The following OPCML variants were observed in gnomAD, a reference collection of about 807,000 sequenced individuals.
OPCML encodes the protein opioid binding protein/cell adhesion molecule like, also known as opioid-binding protein/cell adhesion molecule.
Under a neutral mutation model 37.8 loss-of-function variants are expected in OPCML, and 13 were observed. The observed-to-expected ratio is 0.34, with a 90% CI of 0.22 to 0.55. The LOEUF is 0.55. Ranked by LOEUF, OPCML falls within the 20% of genes least tolerant of loss-of-function variation. OPCML has a pLI of 0.91. For missense variants in OPCML, 341 were observed against 435.6 expected (o/e 0.78, Z 1.93); for synonymous variants, 176 against 168.8 (o/e 1.04, Z -0.33).
chr11:133,374,146 C>T (rs981681312), intron 1 of OPCML, among the ~76,000 whole-genome samples: 1 of 151,850 alleles, frequency 6.6e-6, no homozygotes, highest in Admixed American at 6.6e-5. Context: ...ATGGAGGTAA[C>T]GTTCATATAG....
chr11:133,234,285 C>T (rs940622807), intron 1 of OPCML, among the ~76,000 whole-genome samples: 8 of 152,002 alleles, frequency 5.3e-5, no homozygotes, highest in African/African-American at 1.7e-4. Context: ...ACAGTTTTTA[C>T]TTCTTTCCAT....
At chr11:132,973,441 T>C (rs145637811) in intron 1 of OPCML, among the ~76,000 whole-genome samples, 18 of 152,342 alleles carry the variant, frequency 1.2e-4, no homozygotes, top group Non-Finnish European at 2.5e-4. Context: ...TTCAAAAGGT[T>C]TCTACTTTCT....
intron 3 of OPCML, among the ~76,000 whole-genome samples, chr11:132,628,603 C>G (rs566488502): frequency 9.9e-5 from 15 of 152,282 alleles, no homozygotes; most frequent in African/African-American, 3.1e-4. Context: ...CTCTCCCACT[C>G]TGGGCCACTA....
intron 2 of OPCML, among the ~76,000 whole-genome samples, chr11:132,790,672 A>G (rs1411588816): frequency 6.6e-6 from 1 of 152,068 alleles, no homozygotes; most frequent in African/African-American, 2.4e-5. Flanking sequence ...ACTTGCAGGA[A>G]CCCCGGAGGA....
rs761628431 is a variant in OPCML at position 133,205,455 on chromosome 11, G to A, written c.62-262445C>T. 1.3e-5 allele frequency among the ~76,000 whole-genome samples: 2 copies of A among 152,180 alleles called. No homozygotes were observed. Among genetic ancestry groups the A allele is most frequent in the Non-Finnish European group, 2.9e-5 (2 of 68,046 alleles). On this transcript the variant is annotated intron_variant, in intron 1 of 7. Coordinates refer to ENST00000524381, the MANE Select transcript of OPCML (RefSeq NM_001012393.5). The surrounding 1 kb of genome is among the most constrained non-coding windows in gnomAD (Gnocchi z 4.8). ...ACCTGAAGAGGTGGGGGCTGGGAAC[G>A]CTGATCAGCAGCACTGGTCCCAACC...
At chr11:132,925,496 T>C (rs111246738) in intron 2 of OPCML, among the ~76,000 whole-genome samples, 170 of 152,364 alleles carry the variant, frequency 1.1e-3, no homozygotes, top group African/African-American at 3.9e-3. Flanking sequence ...CCTACGCCTT[T>C]TCACCCTGAG....
intron 2 of OPCML, among the ~76,000 whole-genome samples, chr11:132,830,926 C>T (rs1170820978): frequency 6.6e-6 from 1 of 152,140 alleles, no homozygotes; most frequent in Non-Finnish European, 1.5e-5. Context: ...AGAAGCAGAA[C>T]TAAATTCAAT....
chr11:132,454,802 G>T (rs1173994575), intron 4 of OPCML, among the ~76,000 whole-genome samples: 1 of 152,140 alleles, frequency 6.6e-6, no homozygotes, highest in Non-Finnish European at 1.5e-5. Flanking sequence ...TAACTGCAGG[G>T]ACATATAATA....
At chr11:132,541,580 T>C (rs2096356769) in intron 3 of OPCML, among the ~76,000 whole-genome samples, 1 of 152,002 alleles carries the variant, frequency 6.6e-6, no homozygotes, top group African/African-American at 2.4e-5. Context: ...CAAGTGACAC[T>C]GTGCAAAGTT....
intron 2 of OPCML, among the ~76,000 whole-genome samples, chr11:132,725,126 C>T (rs1002396952): frequency 6.6e-6 from 1 of 152,218 alleles, no homozygotes; most frequent in Non-Finnish European, 1.5e-5. Flanking sequence ...TCCAACTCCA[C>T]ATTTCTTTTC....
chr11:132,834,988 TAAA>T (rs11300115), intron 2 of OPCML, among the ~76,000 whole-genome samples: 9,864 of 142,932 alleles, frequency 0.069, 373 homozygotes, highest in Non-Finnish European at 0.078. Context: ...TGGCACTTTG[TAAA>T]AAAAAAAAAA....
chr11:132,717,689 TAGAA>T (rs368221425), intron 2 of OPCML, among the ~76,000 whole-genome samples: 1 of 151,972 alleles, frequency 6.6e-6, no homozygotes, highest in African/African-American at 2.4e-5. Context: ...ACTCAGAAAA[TAGAA>T]AGAAAGGAAG....
chr11:132,671,162 G>T (rs1173971193), intron 2 of OPCML, among the ~76,000 whole-genome samples: 1 of 152,176 alleles, frequency 6.6e-6, no homozygotes, highest in Admixed American at 6.5e-5. Flanking sequence ...GCGGAGAAGG[G>T]ATGGGAGGTG....
At chr11:132,742,611 T>C (rs1945467672) in intron 2 of OPCML, among the ~76,000 whole-genome samples, 1 of 151,974 alleles carries the variant, frequency 6.6e-6, no homozygotes, top group Non-Finnish European at 1.5e-5. Flanking sequence ...CTGGTATTTT[T>C]GGTATAGCGC....
chr11:133,109,765 CATT>C (rs1392258612), intron 1 of OPCML, among the ~76,000 whole-genome samples: 3 of 152,126 alleles, frequency 2.0e-5, no homozygotes, highest in African/African-American at 7.2e-5. Context: ...TGTCAGGAAG[CATT>C]GTTGAACCCT....
At chr11:132,823,864 T>C (rs1207987933) in intron 2 of OPCML, among the ~76,000 whole-genome samples, 1 of 152,176 alleles carries the variant, frequency 6.6e-6, no homozygotes, top group Admixed American at 6.5e-5. Context: ...TTTACACGGA[T>C]GGCCATGCCA....
chr11:133,462,989 T>C (rs1333336775), intron 1 of OPCML, among the ~76,000 whole-genome samples: 2 of 152,052 alleles, frequency 1.3e-5, no homozygotes, highest in African/African-American at 4.8e-5. Context: ...CACAATGAGA[T>C]ATTGTCCATC....
intron 1 of OPCML, among the ~76,000 whole-genome samples, chr11:132,979,847 GAGA>G (rs745954117): frequency 2.0e-5 from 3 of 152,132 alleles, no homozygotes; most frequent in African/African-American, 4.8e-5. Context: ...GATGCTGATG[GAGA>G]AGAAGGCAGG....
intron 2 of OPCML, among the ~76,000 whole-genome samples, chr11:132,835,941 A>C (rs1455297136): frequency 6.6e-6 from 1 of 152,072 alleles, no homozygotes. Context: ...ACAAATATCC[A>C]TTTTTGTTGT....
Sources: allele counts gnomAD v4.1 joint callset (sites outside exome capture counted in the v4.1 genomes callset), GRCh38; gene constraint gnomAD v4.1.1; non-coding constraint Gnocchi (gnomAD v3.1); transcripts MANE v1.5; gene names NCBI Gene and HGNC (gene_info 2026-07-23, HGNC 2026-07-21).